Variants in PRSS55 observed in about 807,000 individuals in gnomAD.
The protein encoded by PRSS55 is serine protease 55.
A neutral mutation model predicts 23.6 loss-of-function variants in PRSS55; 41 were observed. The observed-to-expected ratio is 1.74, with a 90% CI of 1.35 to 2.26. The LOEUF (loss-of-function observed/expected upper bound fraction) is 2.26, where lower values mean the gene tolerates loss of function less well. Ranked by LOEUF, PRSS55 falls within the 30% of genes most tolerant of loss-of-function variation. The pLI is 0.00. For synonymous variants in PRSS55, 262 were observed against 175.5 expected, an observed-to-expected ratio of 1.49 and a Z score of -3.90; for missense variants, 669 against 439.1, an observed-to-expected ratio of 1.52 and a Z score of -4.68.
At chr8:10,550,066 G>T (rs567458354) in intron 4 of PRSS55, among the ~76,000 whole-genome samples, 1 of 151,946 alleles carries the variant, frequency 6.6e-6, no homozygotes, top group Non-Finnish European at 1.5e-5. Flanking sequence ...CTACAGGTGC[G>T]CGCCACCATG....
intron 4 of PRSS55, among the ~76,000 whole-genome samples, chr8:10,545,375 T>C (rs116334445): frequency 0.013 from 1,922 of 152,276 alleles, 28 homozygotes; most frequent in African/African-American, 0.042. Flanking sequence ...TTTTATTTTA[T>C]GGAGAGATGG....
chr8:10,525,843 C>T, intron 1 of PRSS55, 104 bp downstream of exon 1: 1 of 1,197,840 alleles, frequency 8.3e-7, no homozygotes, highest in Non-Finnish European at 1.1e-6. Context: ...CCAGGGCTCC[C>T]CACATACCCC....
At chr8:10,544,310 C>G (rs1000782380) in intron 4 of PRSS55, among the ~76,000 whole-genome samples, 3 of 152,098 alleles carry the variant, frequency 2.0e-5, no homozygotes, top group Non-Finnish European at 4.4e-5. Context: ...GTTTTACAGT[C>G]TATTTTGTTG....
chr8:10,545,896 A>T (rs1354972514), intron 4 of PRSS55, among the ~76,000 whole-genome samples: 1 of 152,192 alleles, frequency 6.6e-6, no homozygotes, highest in Non-Finnish European at 1.5e-5. Flanking sequence ...GGCATCTTCT[A>T]TCTTTAGTCC....
In PRSS55 at chr8:10,525,626, C is replaced by G. The variant is rs201824405; in HGVS notation, c.41C>G (p.Thr14Arg). The stretch of plus-strand genomic sequence containing the variant: ...GTGTTGCTGCTCCTGTCCCTGGTCA[C>G]GGGAACTCAGCTCGGTCCACGGACT... ...FSVLLLLSLV[T>R]GTQLGPRTPL... is the part of the protein sequence containing the mutation. The change falls in exon 1 of 5, where the codon ACG (threonine) becomes AGG (arginine). Residue 14 changes from threonine to arginine, a missense_variant. By Grantham distance (71) the Thr-to-Arg change is moderately conservative. Coordinates refer to ENST00000328655, the MANE Select transcript of PRSS55 (RefSeq NM_198464.4). 2 of 1,614,040 alleles carry G rather than the reference C, an allele frequency of 1.2e-6. No individual in the cohort carries two copies. Among genetic ancestry groups the G allele is most frequent in the South Asian group, 2.2e-5 (2 of 91,088 alleles).
chr8:10,529,700 G>GT lies in PRSS55; in HGVS notation c.347+2dup. 10 of 1,610,966 alleles carry GT rather than the reference G, an allele frequency of 6.2e-6. No individual in the cohort carries two copies. Among genetic ancestry groups the GT allele is most frequent in the African/African-American group, 5.3e-5 (4 of 75,010 alleles). The stretch of plus-strand genomic sequence containing the variant: ...ACTGCTTATATTCCGAGGAGCTGTT[G>GT]TAAGTACCATGGGCCTCCCACTGCC... On this transcript the variant is annotated splice_donor_variant, in intron 2 of 4. Coordinates refer to ENST00000328655, the MANE Select transcript of PRSS55 (RefSeq NM_198464.4). LOFTEE classifies it high-confidence loss of function.
At chr8:10,547,166 G>T (rs933393120) in intron 4 of PRSS55, among the ~76,000 whole-genome samples, 1 of 152,098 alleles carries the variant, frequency 6.6e-6, no homozygotes, top group Non-Finnish European at 1.5e-5. Context: ...CGCAATTCCC[G>T]CCACCCTTGT....
intron 4 of PRSS55, among the ~76,000 whole-genome samples, chr8:10,533,786 G>A (rs968074277): frequency 3.9e-5 from 6 of 152,122 alleles, no homozygotes; most frequent in Admixed American, 1.3e-4. Context: ...CCTTGTCGTT[G>A]GTATAAAACC....
At chr8:10,548,636 T>C (rs924851392) in intron 4 of PRSS55, among the ~76,000 whole-genome samples, 6 of 152,068 alleles carry the variant, frequency 3.9e-5, no homozygotes, top group Non-Finnish European at 7.4e-5. Flanking sequence ...TCCCCCTGCC[T>C]GCAAGTCTCC....
intron 4 of PRSS55, among the ~76,000 whole-genome samples, chr8:10,535,990 T>G (rs999268236): frequency 6.6e-6 from 1 of 152,126 alleles, no homozygotes; most frequent in African/African-American, 2.4e-5. Flanking sequence ...ATCAAGACCA[T>G]CCTGGCTAAC....
At chr8:10,551,700 A>G (rs1812955328) in intron 4 of PRSS55, among the ~76,000 whole-genome samples, 1 of 152,232 alleles carries the variant, frequency 6.6e-6, no homozygotes, top group Non-Finnish European at 1.5e-5. Context: ...ATGTCTCTCC[A>G]TCTGCACGGG....
intron 1 of PRSS55, 66 bp from the exon 2 acceptor site, chr8:10,529,441 C>G (rs777537258): frequency 1.3e-6 from 2 of 1,533,692 alleles, no homozygotes; most frequent in South Asian, 2.2e-5. Flanking sequence ...AGCCCGGTCC[C>G]CAGCTCACAC....
chr8:10,530,497 C>G (rs1812213233), intron 2 of PRSS55, among the ~76,000 whole-genome samples: 1 of 152,108 alleles, frequency 6.6e-6, no homozygotes, highest in Non-Finnish European at 1.5e-5. Context: ...AATAAACTTT[C>G]CTCTATTAAC....
chr8:10,550,788 G>T (rs1812934907), intron 4 of PRSS55, among the ~76,000 whole-genome samples: 1 of 152,218 alleles, frequency 6.6e-6, no homozygotes, highest in African/African-American at 2.4e-5. Context: ...TGATGTACAT[G>T]CAAAAGACAT....
At chr8:10,529,365 G>C (rs149130180) in intron 1 of PRSS55, 142 bp from the exon 2 acceptor site, 2 of 822,042 alleles carry the variant, frequency 2.4e-6, no homozygotes, top group Admixed American at 2.0e-5. Flanking sequence ...TGCCCCGCTC[G>C]GCAGCCTCAG....
At chr8:10,542,250 C>A (rs557607081), downstream of PRSS55, among the ~76,000 whole-genome samples, 4 of 152,092 alleles carry the variant, frequency 2.6e-5, no homozygotes, top group African/African-American at 9.6e-5. Flanking sequence ...TGCCCCAGTG[C>A]GGATGTGTGG....
intron 4 of PRSS55, chr8:10,545,201 A>AT (rs71203337): frequency 0.83 from 121,409 of 147,030 alleles, 51,375 homozygotes; most frequent in East Asian, 0.99. Context: ...AGCCCACACT[A>AT]TTTTTTTTTT....
intron 3 of PRSS55, among the ~76,000 whole-genome samples, chr8:10,532,036 G>A (rs1196814653): frequency 6.6e-6 from 1 of 152,090 alleles, no homozygotes; most frequent in Non-Finnish European, 1.5e-5. Context: ...AAAATATGAC[G>A]AAGGGCCCGC....
At chr8:10,537,108 C>T (rs1812483291) in intron 4 of PRSS55, among the ~76,000 whole-genome samples, 1 of 152,138 alleles carries the variant, frequency 6.6e-6, no homozygotes, top group Non-Finnish European at 1.5e-5. Context: ...CCATATGATC[C>T]AGCAACCCCA....
Sources: allele counts gnomAD v4.1 joint callset (sites outside exome capture counted in the v4.1 genomes callset), GRCh38; gene constraint gnomAD v4.1.1; transcripts MANE v1.5; gene names NCBI Gene and HGNC (gene_info 2026-07-23, HGNC 2026-07-21).